MTMR14: variants seen among roughly 807,000 people sequenced by gnomAD.
MTMR14 encodes myotubularin related protein 14.
A neutral mutation model predicts 86.3 loss-of-function variants in MTMR14; 48 were observed. The observed-to-expected ratio is 0.56, with a 90% CI of 0.44 to 0.71. The LOEUF (loss-of-function observed/expected upper bound fraction) is 0.71. Among genes scored for constraint, MTMR14 ranks in the 30% least tolerant of loss-of-function variants. The probability of loss-of-function intolerance (pLI) is 0.00; values close to 1 mark genes in which losing one functional copy is unlikely to be tolerated. For missense variants in MTMR14, 780 were observed against 834.6 expected (o/e 0.93, Z 0.81); for synonymous variants, 366 against 326.1 (o/e 1.12, Z -1.32).
chr3:9,659,289 A>G (rs777988304), intron 2 of MTMR14, among the ~76,000 whole-genome samples: 10 of 152,218 alleles, frequency 6.6e-5, no homozygotes, highest in Non-Finnish European at 1.3e-4. Flanking sequence ...CAGTGCATAC[A>G]TTACAAATGT....
In MTMR14 at chr3:9,677,279, G is replaced by A. The variant is rs2075614777; in HGVS notation, c.752-38G>A. On this transcript the variant is annotated intron_variant, in intron 7 of 18. Coordinates refer to ENST00000296003, the MANE Select transcript of MTMR14 (RefSeq NM_001077525.3). This position sits in a 1 kb window ranked among gnomAD's most constrained non-coding sequence, Gnocchi z 4.2. ...GGGCTGTCTCAGAAGACTTTGGGCT[G>A]GGAAGGGAGATGTCATAACTCTGCC... 1 of 1,597,500 alleles carries A rather than the reference G, an allele frequency of 6.3e-7. No individual in the cohort carries two copies. Among genetic ancestry groups the A allele is most frequent in the African/African-American group, 1.3e-5 (1 of 74,582 alleles).
intron 16 of MTMR14, 33 bp downstream of exon 16, chr3:9,689,115 C>T: frequency 6.2e-7 from 1 of 1,603,974 alleles, no homozygotes; most frequent in Admixed American, 1.7e-5. Flanking sequence ...AGGTCACTCA[C>T]AGCTGTGGCC....
At chr3:9,655,309 G>A (rs1361719007) in intron 2 of MTMR14, among the ~76,000 whole-genome samples, 1 of 151,474 alleles carries the variant, frequency 6.6e-6, no homozygotes, top group South Asian at 2.1e-4. Context: ...GGAGGTTGCA[G>A]TGAGCCGAGA....
At chr3:9,654,489 G>A (rs1225243574) in intron 2 of MTMR14, among the ~76,000 whole-genome samples, 1 of 152,188 alleles carries the variant, frequency 6.6e-6, no homozygotes, top group Non-Finnish European at 1.5e-5. Context: ...GCAGGTTGTG[G>A]CCTGTAGGTA....
At chr3:9,650,589 C>T in intron 1 of MTMR14, 1 of 309,988 alleles carries the variant, frequency 3.2e-6, no homozygotes, top group Non-Finnish European at 6.6e-6. Flanking sequence ...GGGAAGACTT[C>T]AGTAAGGATT....
At chr3:9,653,160 C>A (rs183117584) in intron 1 of MTMR14, among the ~76,000 whole-genome samples, 2 of 151,944 alleles carry the variant, frequency 1.3e-5, no homozygotes, top group East Asian at 2.0e-4. Context: ...GCTTGAACCC[C>A]GGACGCGGAG....
rs1228854061 is a variant in MTMR14, at chr3:9,677,253, A to G, written c.752-64A>G. 5.4e-6 allele frequency: 8 copies of G among 1,486,570 alleles called. No individual in the cohort carries two copies. The highest frequency in any genetic ancestry group is 6.6e-6 in the Non-Finnish European group (7 of 1,065,276). 92.1% of individuals were successfully genotyped at this position (1,486,570 alleles called of 1,614,324 possible). ...AGCACTCAGGGACCTGGGTCTGGCC[A>G]GGGCTGTCTCAGAAGACTTTGGGCT... On this transcript the variant is annotated intron_variant, in intron 7 of 18. Coordinates refer to ENST00000296003, the MANE Select transcript of MTMR14 (RefSeq NM_001077525.3). The surrounding 1 kb of genome is among the most constrained non-coding windows in gnomAD (Gnocchi z 4.2).
At chr3:9,671,004 A>T (rs1470322576) in intron 5 of MTMR14, 44 bp from the exon 6 acceptor site, 3 of 1,613,206 alleles carry the variant, frequency 1.9e-6, no homozygotes, top group South Asian at 2.2e-5. Context: ...AGCTCCTGTG[A>T]GTGAACATGC....
intron 18 of MTMR14, among the ~76,000 whole-genome samples, chr3:9,699,190 T>C (rs1270583324): frequency 6.7e-6 from 1 of 149,408 alleles, no homozygotes; most frequent in Non-Finnish European, 1.5e-5. Flanking sequence ...AAAAAAAAAT[T>C]GCACCTTTCT....
chr3:9,689,002 G>C lies in MTMR14; in HGVS notation c.1353G>C (p.Glu451Asp). Residue 451 changes from glutamate to aspartate, a missense_variant, in exon 16 of 19, where the codon GAG becomes GAC. Physicochemically the swap from Glu to Asp is conservative, Grantham distance 45. Coordinates refer to ENST00000296003, the MANE Select transcript of MTMR14 (RefSeq NM_001077525.3). ...GCAGCGACTTCTCCCTGGTCATGGA[G>C]AGTTCCCCAGGAGCCACTGGGAGCT... ...SLGSDFSLVMESSPGATGSFT... is the reference protein window; with the variant it reads ...SLGSDFSLVMDSSPGATGSFT... 1 of 1,614,004 alleles carries C rather than the reference G, an allele frequency of 6.2e-7. No individual in the cohort carries two copies. The highest frequency in any genetic ancestry group is 8.5e-7 in the Non-Finnish European group (1 of 1,180,026).
At chr3:9,659,702 C>T (rs1262250734) in intron 2 of MTMR14, 2 of 455,362 alleles carry the variant, frequency 4.4e-6, no homozygotes, top group Non-Finnish European at 8.8e-6. Flanking sequence ...CTGAGCCTCC[C>T]CAAGTGTGGG....
chr3:9,669,691 AGTCT>A (rs2048466174), intron 5 of MTMR14, among the ~76,000 whole-genome samples, 199 bp downstream of exon 5: 1 of 152,238 alleles, frequency 6.6e-6, no homozygotes, highest in Non-Finnish European at 1.5e-5. Context: ...ATACCTGAGC[AGTCT>A]GTCCCCATCT....
chr3:9,687,618 C>T (rs994790963), intron 13 of MTMR14, among the ~76,000 whole-genome samples: 1 of 152,042 alleles, frequency 6.6e-6, no homozygotes, highest in Non-Finnish European at 1.5e-5. Context: ...TCCCTTCCTG[C>T]CTTGCCCCGG....
At chr3:9,668,925 G>A (rs1205622383) in intron 4 of MTMR14, 131 bp downstream of exon 4, 5 of 938,744 alleles carry the variant, frequency 5.3e-6, no homozygotes, top group Non-Finnish European at 8.6e-6. Flanking sequence ...GGATCCCGAG[G>A]TCAGGAGTTC....
At chr3:9,687,343 C>G (rs180987040) in intron 13 of MTMR14, among the ~76,000 whole-genome samples, 1 of 152,186 alleles carries the variant, frequency 6.6e-6, no homozygotes, top group African/African-American at 2.4e-5. Context: ...GTCATGAGGT[C>G]AGGATATTGA....
chr3:9,675,535 C>CT (rs1164219398), intron 7 of MTMR14: 5 of 456,424 alleles, frequency 1.1e-5, no homozygotes, highest in African/African-American at 1.0e-4. Flanking sequence ...GGGATCGTTT[C>CT]TTTCAGCACA....
intron 3 of MTMR14, among the ~76,000 whole-genome samples, chr3:9,664,017 G>T (rs913256088): frequency 4.1e-5 from 6 of 146,542 alleles, no homozygotes; most frequent in African/African-American, 1.3e-4. Context: ...TCAAACTGCT[G>T]ACCTCAGGTA....
Position 9,653,660 on chromosome 3 carries a change from C to T in MTMR14, c.199C>T (p.Arg67Ter), listed in dbSNP as rs754777692. The T allele has an allele frequency of 3.8e-5, 62 of 1,614,084 alleles. No homozygotes were observed. The highest frequency in any genetic ancestry group is 5.1e-5 in the Non-Finnish European group (60 of 1,180,026). The stretch of plus-strand genomic sequence containing the variant: ...GAAGAGATGTCTGGAGCTGTTTGGC[C>T]GAGACTACTGTTTCAGCGTGATTCC... ...IEKRCLELFG[R>*]DYCFSVIPNT... Residue 67 changes from arginine to a stop codon, truncating the protein, a stop_gained, in exon 2 of 19, where the codon CGA (arginine) becomes TGA (stop). Coordinates refer to ENST00000296003, the MANE Select transcript of MTMR14 (RefSeq NM_001077525.3). LOFTEE classifies it high-confidence loss of function.
chr3:9,691,996 T>C (rs796080731), intron 17 of MTMR14, among the ~76,000 whole-genome samples: 1 of 152,328 alleles, frequency 6.6e-6, no homozygotes, highest in African/African-American at 2.4e-5. Flanking sequence ...TTTGAAAGTC[T>C]AGATTACTCA....
Sources: gnomAD v4.1 joint callset for allele counts (sites outside exome capture counted in the v4.1 genomes callset) on GRCh38, gnomAD v4.1.1 for gene constraint, Gnocchi (gnomAD v3.1) non-coding constraint, MANE v1.5 for transcripts, NCBI Gene and HGNC (gene_info 2026-07-23, HGNC 2026-07-21) for gene names.